ATP6V1C2: variants seen among roughly 807,000 people sequenced by gnomAD.
ATP6V1C2 encodes the protein ATPase H+ transporting V1 subunit C2.
A neutral mutation model predicts 56.8 loss-of-function variants in ATP6V1C2; 45 were observed. The ratio of observed to expected loss-of-function variants is 0.79; its 90% confidence interval spans 0.62 to 1.02. ATP6V1C2 has a LOEUF of 1.02. ATP6V1C2 is among the 50% of genes least tolerant of loss of function. The pLI, the probability that ATP6V1C2 is intolerant of heterozygous loss-of-function variation, is 0.00. For missense variants in ATP6V1C2, 463 were observed against 519.7 expected (o/e 0.89, Z 1.06); for synonymous variants, 220 against 201.3 (o/e 1.09, Z -0.79).
rs1036255040 is a variant in ATP6V1C2, at chr2:10,735,202, G to A, written c.197+8633G>A. Among the ~76,000 whole-genome samples, 8 of 152,094 alleles carry A rather than the reference G, an allele frequency of 5.3e-5. No homozygotes were observed. The East Asian group carries it at 1.5e-3, about 29-fold the overall frequency. ...ACCTTTTTTTTGAGATGGAGTCTTGGTCTGTCACCCAGGCTGGAGTGCAGT... is the reference window on the plus strand; with the variant it reads ...ACCTTTTTTTTGAGATGGAGTCTTGATCTGTCACCCAGGCTGGAGTGCAGT... On this transcript the variant is annotated intron_variant, in intron 3 of 13. Coordinates refer to ENST00000272238, the MANE Select transcript of ATP6V1C2 (RefSeq NM_001039362.2).
intron 8 of ATP6V1C2, 24 bp downstream of exon 8, chr2:10,772,634 C>T (rs758665692): frequency 6.2e-7 from 1 of 1,603,362 alleles, no homozygotes; most frequent in East Asian, 2.2e-5. Flanking sequence ...CAGCTTGGTC[C>T]CAGGGCCCCT....
chr2:10,759,438 G>C (rs1389421854), intron 4 of ATP6V1C2, among the ~76,000 whole-genome samples: 1 of 152,160 alleles, frequency 6.6e-6, no homozygotes, highest in Non-Finnish European at 1.5e-5. Flanking sequence ...TCATGCTGCT[G>C]CCTGCCGGGC....
chr2:10,753,912 A>T (rs1663365529), intron 3 of ATP6V1C2, 69 bp from the exon 4 acceptor site: 1 of 1,398,364 alleles, frequency 7.2e-7, no homozygotes, highest in African/African-American at 1.4e-5. Flanking sequence ...TTTTCCTGCC[A>T]GCAGCATGTG....
chr2:10,769,061 G>A (rs917820358), intron 6 of ATP6V1C2, among the ~76,000 whole-genome samples: 2 of 152,208 alleles, frequency 1.3e-5, no homozygotes, highest in South Asian at 2.1e-4. Flanking sequence ...CTCACCGCAC[G>A]CTTCCATCTC....
In ATP6V1C2 at chr2:10,774,728, G is replaced by T. The variant is rs1439470756; in HGVS notation, c.639-60G>T. 2.0e-6 allele frequency: 3 copies of T among 1,504,734 alleles called. No individual in the cohort carries two copies. In the East Asian group the frequency reaches 6.8e-5, roughly 34 times the overall value. The allele number at this position is 1,504,734 out of a possible 1,614,324, so 93.2% of individuals were successfully genotyped here. On this transcript the variant is annotated intron_variant, in intron 8 of 13. Transcript: ENST00000272238. ...AGGCCACCAGGCCCGGGGCCTCTGA[G>T]CCCCACTCCCGCACAAGGCCTAGCA...
intron 3 of ATP6V1C2, among the ~76,000 whole-genome samples, chr2:10,731,934 C>T (rs1661972259): frequency 6.6e-6 from 1 of 152,010 alleles, no homozygotes; most frequent in African/African-American, 2.4e-5. Flanking sequence ...GATCACACCA[C>T]TGCACTCCAG....
At chr2:10,733,689 A>C (rs1662090878) in intron 3 of ATP6V1C2, among the ~76,000 whole-genome samples, 1 of 151,890 alleles carries the variant, frequency 6.6e-6, no homozygotes, top group Admixed American at 6.6e-5. Flanking sequence ...AGTCCTTCAC[A>C]GTATCTTAGC....
chr2:10,728,274 A>G (rs1310556039), intron 3 of ATP6V1C2, among the ~76,000 whole-genome samples: 2 of 152,068 alleles, frequency 1.3e-5, no homozygotes, highest in African/African-American at 4.8e-5. Context: ...GGTAAAGACA[A>G]GGTCTCACTG....
chr2:10,737,665 C>T (rs549695905), intron 3 of ATP6V1C2, among the ~76,000 whole-genome samples: 114 of 152,182 alleles, frequency 7.5e-4, no homozygotes, highest in African/African-American at 2.5e-3. Context: ...GCTGCCCTTA[C>T]GGGATACAGA....
intron 3 of ATP6V1C2, among the ~76,000 whole-genome samples, chr2:10,746,884 C>T (rs1187985602): frequency 1.3e-5 from 2 of 152,186 alleles, no homozygotes; most frequent in African/African-American, 4.8e-5. Flanking sequence ...TATATACTGA[C>T]ATAATTTTTT....
At chr2:10,771,409 G>A (rs990960884) in intron 6 of ATP6V1C2, among the ~76,000 whole-genome samples, 2 of 152,224 alleles carry the variant, frequency 1.3e-5, no homozygotes, top group African/African-American at 2.4e-5. Flanking sequence ...AAAGTGACAC[G>A]GAGCTCTATC....
chr2:10,739,721 G>A (rs146985062), intron 3 of ATP6V1C2, among the ~76,000 whole-genome samples: 21 of 152,208 alleles, frequency 1.4e-4, no homozygotes, highest in African/African-American at 4.8e-4. Flanking sequence ...CTTTTTGGGG[G>A]TATTAATTTT....
chr2:10,781,488 A>T (rs77348698), intron 12 of ATP6V1C2, among the ~76,000 whole-genome samples: 1 of 152,072 alleles, frequency 6.6e-6, no homozygotes, highest in Non-Finnish European at 1.5e-5. Context: ...AAAAAAAAAA[A>T]TAGATAAATA....
chr2:10,778,628 C>T lies in ATP6V1C2; in HGVS notation c.1020C>T (p.Ile340=), dbSNP rs1242646213. Reference sequence around the variant, plus strand: ...TCAGTGAAGCCTTCATTGCCTGGATCCACATCAAGGCCCTGAGAGTGTTTG... The same window carrying T: ...TCAGTGAAGCCTTCATTGCCTGGATTCACATCAAGGCCCTGAGAGTGTTTG... ...VNFSEAFIAW[I]HIKALRVFVE... Residue 340 remains isoleucine, a synonymous_variant, in exon 12 of 14, where the codon ATC becomes ATT. Transcript: ENST00000272238. 1.2e-6 allele frequency: 2 copies of T among 1,614,234 alleles called. No individual in the cohort carries two copies. Among genetic ancestry groups the T allele is most frequent in the East Asian group, 4.5e-5 (2 of 44,880 alleles).
chr2:10,723,837 CAAAAAAAAAAAAA>C lies in ATP6V1C2; in HGVS notation c.129+866_129+878del, dbSNP rs145669254. Among the ~76,000 whole-genome samples the C allele has an allele frequency of 4.1e-5, 5 of 122,978 alleles. No individual in the cohort carries two copies. In the South Asian group the frequency reaches 1.2e-3, roughly 30 times the overall value. 80.7% of individuals were successfully genotyped at this position (122,978 alleles called of 152,430 possible). A position where few individuals can be genotyped will look rare whatever the true frequency, so the allele number is the denominator to read the frequency against. On this transcript the variant is annotated intron_variant, in intron 2 of 13. Transcript: ENST00000272238. ...CTGGGTGAACGGCGAGACTCTGTCT[CAAAAAAAAAAAAA>C]AAAAAAGAATGAGACATGTGCAATT...
intron 3 of ATP6V1C2, 145 bp downstream of exon 3, chr2:10,726,714 T>C: frequency 1.4e-6 from 1 of 728,728 alleles, no homozygotes; most frequent in Non-Finnish European, 2.4e-6. Context: ...TCAGTCCCCC[T>C]GCGGGTGCTG....
chr2:10,758,868 C>T (rs542336566), intron 4 of ATP6V1C2, among the ~76,000 whole-genome samples: 16 of 152,234 alleles, frequency 1.1e-4, no homozygotes, highest in African/African-American at 3.6e-4. Context: ...GGGGTTTCAC[C>T]TTGTTGTCCA....
intron 3 of ATP6V1C2, among the ~76,000 whole-genome samples, chr2:10,732,744 G>A (rs559585469): frequency 2.6e-5 from 4 of 151,888 alleles, no homozygotes; most frequent in East Asian, 2.0e-4. Context: ...AGGCCGAGGC[G>A]GGTGGATCAT....
intron 8 of ATP6V1C2, among the ~76,000 whole-genome samples, chr2:10,772,845 G>GGCCCCACGCTGCCCTT (rs1191185238): frequency 1.3e-5 from 2 of 152,160 alleles, no homozygotes; most frequent in African/African-American, 4.8e-5. Flanking sequence ...AGGCTGCCCT[G>GGCCCCACGCTGCCCTT]GCCCCACCTG....
Sources: allele counts gnomAD v4.1 joint callset (sites outside exome capture counted in the v4.1 genomes callset), GRCh38; gene constraint gnomAD v4.1.1; transcripts MANE v1.5; gene names NCBI Gene and HGNC (gene_info 2026-07-23, HGNC 2026-07-21).